The following HERC3 variants were observed in gnomAD, a reference collection of about 807,000 sequenced individuals.
HERC3 encodes the protein probable E3 ubiquitin-protein ligase HERC3.
HERC3 carries 58 observed loss-of-function variants against 129.9 expected under a neutral mutation model. The observed-to-expected ratio is 0.45, with a 90% CI of 0.36 to 0.56. The LOEUF is 0.56. Ranked by LOEUF, HERC3 falls within the 20% of genes least tolerant of loss-of-function variation. HERC3 has a pLI of 0.00. For synonymous variants in HERC3, 430 were observed against 451.0 expected, an observed-to-expected ratio of 0.95 and a Z score of 0.59; for missense variants, 835 against 1,244.2, an observed-to-expected ratio of 0.67 and a Z score of 4.95.
At chr4:88,579,570 C>A in the HERC3 span, among the ~76,000 whole-genome samples, 1 of 151,972 alleles carries the variant, frequency 6.6e-6, no homozygotes, top group Non-Finnish European at 1.5e-5. Context: ...GGGAGAGAGG[C>A]TGGGGTCAGG....
At chr4:88,693,065 C>T in intron 23 of HERC3, 2 of 977,748 alleles carry the variant, frequency 2.0e-6, no homozygotes, top group Non-Finnish European at 2.4e-6. Context: ...ATTTAAAATG[C>T]TATTTCAGAG....
intron 18 of HERC3, 139 bp from the exon 19 acceptor site, chr4:88,677,825 A>C: frequency 1.5e-6 from 1 of 664,110 alleles, no homozygotes; most frequent in Non-Finnish European, 2.5e-6. Flanking sequence ...TAACTTAGAA[A>C]ATCTGTGGAA....
Position 88,655,311 on chromosome 4 carries a change from G to A in HERC3, c.908+7G>A. 1 of 1,613,010 alleles carries A rather than the reference G, an allele frequency of 6.2e-7. No homozygotes were observed. The highest frequency in any genetic ancestry group is 8.5e-7 in the Non-Finnish European group (1 of 1,179,336). On this transcript the variant is annotated splice_region_variant and intron_variant, in intron 8 of 25. Transcript: ENST00000402738. ...CTCAAATTGCTTGTGGCAGGTGAGT[G>A]TTCCTCAAAGCTTGCTTGTATTCAC...
At chr4:88,630,823 T>G (rs1258191734) in intron 3 of HERC3, among the ~76,000 whole-genome samples, 2 of 152,190 alleles carry the variant, frequency 1.3e-5, no homozygotes, top group African/African-American at 2.4e-5. Flanking sequence ...TATTCTTTAT[T>G]AAAAATCCCT....
intron 16 of HERC3, among the ~76,000 whole-genome samples, chr4:88,671,054 AT>A (rs1731561140): frequency 6.6e-6 from 1 of 151,904 alleles, no homozygotes; most frequent in Non-Finnish European, 1.5e-5. Flanking sequence ...GTCTCACCGT[AT>A]TTTAGATATG....
chr4:88,660,484 G>A (rs1730377781), intron 10 of HERC3, among the ~76,000 whole-genome samples: 3 of 152,128 alleles, frequency 2.0e-5, no homozygotes, highest in South Asian at 2.1e-4. Context: ...GATTACAGGC[G>A]TGATCCACCA....
chr4:88,669,796 G>A (rs1731420123), intron 14 of HERC3, 64 bp from the exon 15 acceptor site: 4 of 1,379,002 alleles, frequency 2.9e-6, no homozygotes, highest in Non-Finnish European at 4.1e-6. Flanking sequence ...TAACTGGCAG[G>A]CAGAAGACAT....
chr4:88,580,944 T>A, the HERC3 span, among the ~76,000 whole-genome samples: 1 of 152,170 alleles, frequency 6.6e-6, no homozygotes, highest in Non-Finnish European at 1.5e-5. Flanking sequence ...CATAATTGTA[T>A]GAGTATATGC....
chr4:88,570,430 C>A, the HERC3 span, among the ~76,000 whole-genome samples: 1 of 152,146 alleles, frequency 6.6e-6, no homozygotes, highest in African/African-American at 2.4e-5. Context: ...GCAATGACAA[C>A]TTTATTACAT....
At chr4:88,525,091 A>T in the HERC3 span, 1 of 152,072 alleles carries the variant, frequency 6.6e-6, no homozygotes, top group East Asian at 1.9e-4. Flanking sequence ...TTCTAAGGTT[A>T]ATGTAGTTTA....
At chr4:88,594,978 T>G (rs1335343714) in intron 1 of HERC3, among the ~76,000 whole-genome samples, 1 of 151,272 alleles carries the variant, frequency 6.6e-6, no homozygotes, top group African/African-American at 2.4e-5. Context: ...GGCGGGCGCC[T>G]GTAATTCCAG....
chr4:88,564,905 G>T, the HERC3 span, among the ~76,000 whole-genome samples: 7 of 151,718 alleles, frequency 4.6e-5, no homozygotes, highest in Non-Finnish European at 1.0e-4. Flanking sequence ...TACCCCATAG[G>T]TTTTTTTATG....
intron 13 of HERC3, 74 bp downstream of exon 13, chr4:88,667,562 AAG>A: frequency 3.7e-6 from 3 of 811,088 alleles, no homozygotes; most frequent in Non-Finnish European, 6.0e-6. Flanking sequence ...TCAAGAGAAA[AAG>A]AGTAAGATGA....
chr4:88,689,308 C>T (rs945860401), intron 23 of HERC3, among the ~76,000 whole-genome samples: 3 of 149,600 alleles, frequency 2.0e-5, no homozygotes, highest in Non-Finnish European at 4.4e-5. Context: ...AGTTCAAGAC[C>T]AGCGTGGGCA....
intron 3 of HERC3, among the ~76,000 whole-genome samples, chr4:88,634,899 G>A (rs182424440): frequency 4.6e-5 from 7 of 152,084 alleles, no homozygotes; most frequent in African/African-American, 1.2e-4. Context: ...CCAGCAAACC[G>A]CAGCAGCTCT....
chr4:88,593,094 A>T (rs1457141565), intron 1 of HERC3, among the ~76,000 whole-genome samples: 1 of 152,068 alleles, frequency 6.6e-6, no homozygotes, highest in African/African-American at 2.4e-5. Context: ...AGCGGCCGCG[A>T]GGAGTTTGCG....
chr4:88,672,872 G>C (rs1731762061), intron 16 of HERC3, among the ~76,000 whole-genome samples: 3 of 132,286 alleles, frequency 2.3e-5, no homozygotes, highest in Admixed American at 7.2e-5. Context: ...TGTGCCATCT[G>C]CCTGCTAGTC....
chr4:88,651,813 C>G (rs531533907), intron 4 of HERC3, among the ~76,000 whole-genome samples, 199 bp from the exon 5 acceptor site: 11 of 152,164 alleles, frequency 7.2e-5, no homozygotes, highest in Non-Finnish European at 1.6e-4. Flanking sequence ...GTCTCGAACT[C>G]CTGACCTCAG....
chr4:88,563,639 A>G, the HERC3 span, among the ~76,000 whole-genome samples: 1 of 151,006 alleles, frequency 6.6e-6, no homozygotes, highest in Non-Finnish European at 1.5e-5. Context: ...GAATTTTATT[A>G]TATTGAAATA....
Sources: gnomAD v4.1 joint callset for allele counts (sites outside exome capture counted in the v4.1 genomes callset) on GRCh38, gnomAD v4.1.1 for gene constraint, MANE v1.5 for transcripts, NCBI Gene and HGNC (gene_info 2026-07-23, HGNC 2026-07-21) for gene names.